C8orf82: variants seen among roughly 807,000 people sequenced by gnomAD.
The protein encoded by C8orf82 is chromosome 8 open reading frame 82.
C8orf82 carries 24 observed loss-of-function variants against 15.0 expected under a neutral mutation model. The observed-to-expected ratio is 1.60, with a 90% confidence interval of 1.16 to 2.24. The LOEUF is 2.24. Ranked by LOEUF, C8orf82 falls within the 30% of genes most tolerant of loss-of-function variation. The probability of loss-of-function intolerance (pLI) is 0.00; values close to 1 mark genes in which losing one functional copy is unlikely to be tolerated. For synonymous variants in C8orf82, 205 were observed against 152.2 expected (o/e 1.35, Z -2.55); for missense variants, 388 against 317.4 (o/e 1.22, Z -1.69).
At position 144,527,379 on chromosome 8, in the gene C8orf82, T is replaced by C. The variant is rs1816407305; in HGVS notation, c.614A>G (p.Asp205Gly). The C allele has an allele frequency of 8.1e-7, 1 of 1,238,928 alleles. No individual in the cohort carries two copies. Among genetic ancestry groups the C allele is most frequent in the Non-Finnish European group, 1.0e-6 (1 of 985,752 alleles). The allele number at this position is 1,238,928 out of a possible 1,614,324, so 76.7% of individuals were successfully genotyped here. A position where few individuals can be genotyped will look rare whatever the true frequency, so the allele number is the denominator to read the frequency against. The change falls in exon 3 of 3, where the codon GAC becomes GGC. Residue 205 changes from aspartate (D) to glycine (G), a missense_variant. Transcript: ENST00000524821. ...AGCCGCGAGCAGCAGCGGGGCCAGG[T>C]CCATGGTGAGGGCGAGGCGGCGGCC... ...WQGRRLALTM[D>G]LAPLLLAARS...
rs1368285020 is a variant in C8orf82 at position 144,527,698 on chromosome 8, C to T, written c.295G>A (p.Gly99Ser). 5 of 1,583,298 alleles carry T rather than the reference C, an allele frequency of 3.2e-6. No individual in the cohort carries two copies. Among genetic ancestry groups the T allele is most frequent in the African/African-American group, 1.3e-5 (1 of 74,688 alleles). The change falls in exon 3 of 3, where the codon GGC becomes AGC. Residue 99 changes from glycine (G) to serine (S), a missense_variant. Coordinates refer to ENST00000524821, the MANE Select transcript of C8orf82 (RefSeq NM_001001795.2). ...EAAFPFLSPC[G>S]RERNFLRCED... ...CAGCGCAGGAAGTTGCGCTCTCTGC[C>T]GCAGGGCGAGAGGAAGGGGAAAGCG...
intron 2 of C8orf82, 74 bp downstream of exon 2, chr8:144,527,950 G>A: frequency 6.5e-7 from 1 of 1,545,778 alleles, no homozygotes; most frequent in Non-Finnish European, 8.9e-7. Context: ...GGGCCCGTCG[G>A]CAGAGTCGGG....
chr8:144,529,053 C>CT lies in C8orf82; in HGVS notation c.-138dup. On this transcript the variant is annotated 5_prime_UTR_variant, in exon 1 of 3. Transcript: ENST00000524821. ...CGACCCGGGCCCGGCGCTCTTCCCT[C>CT]TCCCTCGGGCCTCGGGGGCTCGCCC... 1.1e-6 allele frequency: 1 copy of CT among 893,652 alleles called. No individual in the cohort carries two copies. Among genetic ancestry groups the CT allele is most frequent in the South Asian group, 2.4e-5 (1 of 41,066 alleles). The allele number at this position is 893,652 out of a possible 1,614,324, so 55.4% of individuals were successfully genotyped here.
At chr8:144,528,612 G>GCCCCCCCCCCCCC in intron 1 of C8orf82, 149 bp downstream of exon 1, 1 of 358,204 alleles carries the variant, frequency 2.8e-6, no homozygotes. Flanking sequence ...CACCGCGCAG[G>GCCCCCCCCCCCCC]CCCCGCCCAC....
At chr8:144,528,129 G>A in intron 1 of C8orf82, 57 bp from the exon 2 acceptor site, 1 of 1,593,562 alleles carries the variant, frequency 6.3e-7, no homozygotes. Flanking sequence ...GGGCGGGGAA[G>A]CTCAGGAGGT....
chr8:144,529,076 C>A lies in C8orf82; in HGVS notation c.-160G>T, dbSNP rs893437087. 22 of 648,124 alleles carry A rather than the reference C, an allele frequency of 3.4e-5. No homozygotes were observed. The South Asian group carries it at 6.1e-4, about 18-fold the overall frequency. The allele number at this position is 648,124 out of a possible 1,614,324, so 40.1% of individuals were successfully genotyped here. ...CTCTCCCTCGGGCCTCGGGGGCTCG[C>A]CCGCCCTGGCCTTCCGAGAGGCGTG... On this transcript the variant is annotated 5_prime_UTR_variant, in exon 1 of 3. Coordinates refer to ENST00000524821, the MANE Select transcript of C8orf82 (RefSeq NM_001001795.2).
Position 144,527,249 on chromosome 8 carries a change from C to T in C8orf82, c.*93G>A, listed in dbSNP as rs1426152720. ...AGCGCGCAGGCGCACTAGGCTGCCGCGAGCGCGGGTGGCGCGGGCTTTCCG... is the reference window on the plus strand; with the variant it reads ...AGCGCGCAGGCGCACTAGGCTGCCGTGAGCGCGGGTGGCGCGGGCTTTCCG... On this transcript the variant is annotated 3_prime_UTR_variant, in exon 3 of 3. Coordinates refer to ENST00000524821, the MANE Select transcript of C8orf82 (RefSeq NM_001001795.2). 7.5e-5 allele frequency: 69 copies of T among 919,354 alleles called. No homozygotes were observed. The East Asian group carries it at 3.2e-3, about 43-fold the overall frequency. 56.9% of individuals were successfully genotyped at this position (919,354 alleles called of 1,614,324 possible).
intron 1 of C8orf82, chr8:144,528,415 C>G: frequency 2.0e-6 from 3 of 1,490,048 alleles, no homozygotes; most frequent in Non-Finnish European, 2.7e-6. Context: ...CAAAAAAAGG[C>G]AGGGCGGCCC....
At chr8:144,527,862 A>T in intron 2 of C8orf82, 75 bp from the exon 3 acceptor site, 1 of 1,545,306 alleles carries the variant, frequency 6.5e-7, no homozygotes, top group South Asian at 1.1e-5. Context: ...TACCGAGGGC[A>T]GGCGCCGACG....
Position 144,527,562 on chromosome 8 carries a change from C to A in C8orf82, c.431G>T (p.Arg144Leu). The change falls in exon 3 of 3, where the codon CGC becomes CTC. Residue 144 changes from arginine (R) to leucine (L), a missense_variant. Arg to Leu is a moderately radical substitution (Grantham distance 102). Transcript: ENST00000524821. ...CCCGTTGGCGGCCAGGGGCAGCAGG[C>A]GCGCCGGCTCGAAGGGCACGGCCAG... ...EALAVPFEPA[R>L]LLPLAANGRL... 1 of 1,437,904 alleles carries A rather than the reference C, an allele frequency of 7.0e-7. No homozygotes were observed. Among genetic ancestry groups the A allele is most frequent in the South Asian group, 1.4e-5 (1 of 70,666 alleles). The allele number at this position is 1,437,904 out of a possible 1,614,324, so 89.1% of individuals were successfully genotyped here.
rs1389680128 is a variant in C8orf82, at chr8:144,527,509, C to T, written c.484G>A (p.Ala162Thr). Residue 162 changes from alanine (A) to threonine (T), a missense_variant, in exon 3 of 3, where the codon GCG becomes ACG. Physicochemically the swap from Ala to Thr is moderately conservative, Grantham distance 58 (BLOSUM62 0). Coordinates refer to ENST00000524821, the MANE Select transcript of C8orf82 (RefSeq NM_001001795.2). ...GRLYHPAPER[A>T]GGVGLVRSAL... ...GAGCGCACCAGGCCCACGCCGCCCG[C>T]ACGCTCCGGCGCCGGGTGGTACAGG... 7.7e-7 allele frequency: 1 copy of T among 1,303,188 alleles called. No individual in the cohort carries two copies. Among genetic ancestry groups the T allele is most frequent in the Non-Finnish European group, 9.7e-7 (1 of 1,027,992 alleles). 80.7% of individuals were successfully genotyped at this position (1,303,188 alleles called of 1,614,324 possible). A position where few individuals can be genotyped will look rare whatever the true frequency, so the allele number is the denominator to read the frequency against.
At position 144,527,655 on chromosome 8, in the gene C8orf82, A is replaced by G; in HGVS notation, c.338T>C (p.Val113Ala). 4 of 1,548,656 alleles carry G rather than the reference A, an allele frequency of 2.6e-6. No homozygotes were observed. The highest frequency in any genetic ancestry group is 3.5e-6 in the Non-Finnish European group (4 of 1,154,384). The change falls in exon 3 of 3, where the codon GTC (valine) becomes GCC (alanine). Residue 113 changes from valine (V) to alanine (A), a missense_variant. Val to Ala is a moderately conservative substitution (Grantham distance 64). Transcript: ENST00000524821. ...GTCCGCGGTCAGCAGGTGCGTGAAG[A>G]CCACCGGCCGGTCCTCGCAGCGCAG... ...NFLRCEDRPVVFTHLLTADHG... is the reference protein window; with the variant it reads ...NFLRCEDRPVAFTHLLTADHG...
intron 1 of C8orf82, chr8:144,528,513 G>A (rs1763383676): frequency 2.8e-6 from 4 of 1,413,036 alleles, no homozygotes; most frequent in South Asian, 2.9e-5. Context: ...CAGCAGGGAC[G>A]CGGCCCATGT....
rs1196956579 is a variant in C8orf82 at position 144,528,861 on chromosome 8, G to C, written c.56C>G (p.Ala19Gly). Residue 19 changes from alanine to glycine, a missense_variant, in exon 1 of 3, where the codon GCC becomes GGC. Coordinates refer to ENST00000524821, the MANE Select transcript of C8orf82 (RefSeq NM_001001795.2). ...RTLALARSRG[A>G]RACSGDGGVS... The stretch of plus-strand genomic sequence containing the variant: ...GCCCCCATCCCCGCTGCAGGCCCGG[G>C]CTCCCCGCGACCGCGCCAAGGCCAG... The C allele has an allele frequency of 2.0e-6, 3 of 1,518,926 alleles. No individual in the cohort carries two copies. In the Admixed American group the frequency reaches 6.3e-5, roughly 32 times the overall value. The allele number at this position is 1,518,926 out of a possible 1,614,324, so 94.1% of individuals were successfully genotyped here.
chr8:144,526,824 A>T lies in C8orf82; in HGVS notation c.*518T>A, dbSNP rs1816380359. Reference sequence around the variant, plus strand: ...GGTTGATTTTCGGCCGGGCTCAGGGAGGGCGTGGCCTCCGCGTTCCCCATC... The same window carrying T: ...GGTTGATTTTCGGCCGGGCTCAGGGTGGGCGTGGCCTCCGCGTTCCCCATC... On this transcript the variant is annotated 3_prime_UTR_variant, in exon 3 of 3. Transcript: ENST00000524821. The T allele has an allele frequency of 6.6e-6, 1 of 152,130 alleles. No homozygotes were observed. The highest frequency in any genetic ancestry group is 1.9e-4 in the East Asian group (1 of 5,182). The allele number at this position is 152,130 out of a possible 1,614,324, so 9.4% of individuals were successfully genotyped here.
chr8:144,528,584 T>C (rs936207263), intron 1 of C8orf82, 177 bp downstream of exon 1: 23 of 1,204,414 alleles, frequency 1.9e-5, no homozygotes, highest in Admixed American at 1.4e-4. Flanking sequence ...CCTCCAGCTC[T>C]GAGGAGTCGA....
chr8:144,527,760 G>A lies in C8orf82; in HGVS notation c.233C>T (p.Ser78Phe), dbSNP rs1354285608. 4 of 1,594,732 alleles carry A rather than the reference G, an allele frequency of 2.5e-6. No individual in the cohort carries two copies. The African/African-American group carries it at 4.0e-5, about 16-fold the overall frequency. The change falls in exon 3 of 3, where the codon TCC (serine) becomes TTC (phenylalanine). Residue 78 changes from serine (S) to phenylalanine (F), a missense_variant. Coordinates refer to ENST00000524821, the MANE Select transcript of C8orf82 (RefSeq NM_001001795.2). ...KDPQFLVTFF[S>F]RLRPNRSGRY... ...CCCGCTGCGGTTGGGTCTCAGGCGG[G>A]AGAAGAAGGTGACCAGGAACTGCGG...
rs750049355 is a variant in C8orf82, at chr8:144,528,825, G to A, written c.92C>T (p.Thr31Met). The change falls in exon 1 of 3, where the codon ACG becomes ATG. Residue 31 changes from threonine to methionine, a missense_variant. Thr to Met is a moderately conservative substitution (Grantham distance 81, BLOSUM62 -1). Coordinates refer to ENST00000524821, the MANE Select transcript of C8orf82 (RefSeq NM_001001795.2). ...ACSGDGGVSYTQGQSPEPRTR... is the reference protein window; with the variant it reads ...ACSGDGGVSYMQGQSPEPRTR... ...CCGCGGCTCCGGACTCTGGCCCTGC[G>A]TGTAGGAAACGCCCCCATCCCCGCT... The A allele has an allele frequency of 3.9e-6, 6 of 1,520,164 alleles. No individual in the cohort carries two copies. In the African/African-American group the frequency reaches 4.3e-5, roughly 11 times the overall value. 94.2% of individuals were successfully genotyped at this position (1,520,164 alleles called of 1,614,324 possible).
At position 144,527,211 on chromosome 8, in the gene C8orf82, G is replaced by C. The variant is rs982454758; in HGVS notation, c.*131C>G. The stretch of plus-strand genomic sequence containing the variant: ...GGCAGCACCAAGGACAGCGCCGGGT[G>C]GGGGCGGGGCCGAGCGCGCAGGCGC... On this transcript the variant is annotated 3_prime_UTR_variant, in exon 3 of 3. Coordinates refer to ENST00000524821, the MANE Select transcript of C8orf82 (RefSeq NM_001001795.2). The C allele has an allele frequency of 4.2e-5, 23 of 552,472 alleles. No homozygotes were observed. The South Asian group carries it at 1.8e-3, about 44-fold the overall frequency. 34.2% of individuals were successfully genotyped at this position (552,472 alleles called of 1,614,324 possible). A position where few individuals can be genotyped will look rare whatever the true frequency, so the allele number is the denominator to read the frequency against.
Sources: allele counts gnomAD v4.1 joint callset, GRCh38; gene constraint gnomAD v4.1.1; transcripts MANE v1.5; gene names NCBI Gene and HGNC (gene_info 2026-07-23, HGNC 2026-07-21).